LDLRAD4: variants seen among roughly 807,000 people sequenced by gnomAD.
LDLRAD4 encodes the protein low density lipoprotein receptor class A domain containing 4.
Under a neutral mutation model 17.0 loss-of-function variants are expected in LDLRAD4, and 5 were observed. That is an observed-to-expected ratio of 0.29 (90% CI 0.15 to 0.62). The LOEUF is 0.62. Among genes scored for constraint, LDLRAD4 ranks in the 20% least tolerant of loss-of-function variants. LDLRAD4 has a pLI of 0.84. For missense variants in LDLRAD4, 340 were observed against 424.7 expected, an observed-to-expected ratio of 0.80 and a Z score of 1.75; for synonymous variants, 168 against 171.8, an observed-to-expected ratio of 0.98 and a Z score of 0.17.
rs560134157 is a variant in LDLRAD4 at position 13,243,932 on chromosome 18, TATCC to T, written c.-467+24950_-467+24953del. On this transcript the variant is annotated intron_variant, in intron 1 of 5. Transcript: ENST00000399848. ...CCATGCACCTATGCACCCATTTCTC[TATCC>T]ATCCACCCACCCACCCATCCATCCA... 2.4e-3 allele frequency among the ~76,000 whole-genome samples: 267 copies of T among 112,448 alleles called. 1 individual carries two copies. The highest frequency in any genetic ancestry group is 4.0e-3 in the Non-Finnish European group (222 of 55,862). The allele number at this position is 112,448 out of a possible 152,430, so 73.8% of individuals were successfully genotyped here. A position where few individuals can be genotyped will look rare whatever the true frequency, so the allele number is the denominator to read the frequency against.
rs1286597631 is a variant in LDLRAD4, at chr18:13,622,270, G to T, written c.336+999G>T. On this transcript the variant is annotated intron_variant, in intron 4 of 5. Coordinates refer to ENST00000359446, the Ensembl canonical transcript of LDLRAD4. The surrounding 1 kb of genome is among the most constrained non-coding windows in gnomAD (Gnocchi z 5.3). ...GGAGTGCAGGCTCACACTTCACTAG[G>T]ATCATTGGTGCAGCCATCCATATGG... Among the ~76,000 whole-genome samples, 1 of 152,168 alleles carries T rather than the reference G, an allele frequency of 6.6e-6. No homozygotes were observed. Among genetic ancestry groups the T allele is most frequent in the Non-Finnish European group, 1.5e-5 (1 of 68,018 alleles).
chr18:13,277,504 C>A (rs941703651), upstream of LDLRAD4, among the ~76,000 whole-genome samples: 15 of 152,308 alleles, frequency 9.8e-5, no homozygotes, highest in Middle Eastern at 3.4e-3. Context: ...ATCTGAAGCA[C>A]CAGCTGGGAG....
At chr18:13,469,508 T>TA (rs1178503851) in intron 3 of LDLRAD4, among the ~76,000 whole-genome samples, 3 of 152,054 alleles carry the variant, frequency 2.0e-5, no homozygotes, top group South Asian at 4.1e-4. Flanking sequence ...GATGAAGAGA[T>TA]AAAAAATGTG....
intron 3 of LDLRAD4, among the ~76,000 whole-genome samples, chr18:13,533,947 G>A (rs538649148): frequency 6.6e-6 from 1 of 152,150 alleles, no homozygotes; most frequent in Admixed American, 6.5e-5. Context: ...TTTTAAGATT[G>A]CATTTTAACT....
chr18:13,293,353 C>T (rs1257027773), intron 1 of LDLRAD4, among the ~76,000 whole-genome samples: 1 of 152,198 alleles, frequency 6.6e-6, no homozygotes, highest in Non-Finnish European at 1.5e-5. Context: ...TGTGCTTTCT[C>T]TAAATCAGCA....
intron 2 of LDLRAD4, among the ~76,000 whole-genome samples, chr18:13,408,027 G>A (rs2087933235): frequency 1.3e-5 from 2 of 151,968 alleles, no homozygotes; most frequent in African/African-American, 2.4e-5. Flanking sequence ...CTTTCTTGTT[G>A]GCACACAAAA....
chr18:13,255,100 C>T (rs780804526), intron 1 of LDLRAD4, among the ~76,000 whole-genome samples: 3 of 152,194 alleles, frequency 2.0e-5, no homozygotes, highest in Non-Finnish European at 4.4e-5. Context: ...GGGCTCGAGA[C>T]TAAGGGGCAG....
intron 3 of LDLRAD4, among the ~76,000 whole-genome samples, chr18:13,449,796 C>T (rs909646383): frequency 2.0e-5 from 3 of 152,196 alleles, no homozygotes; most frequent in Non-Finnish European, 4.4e-5. Context: ...GGAAGGTCAG[C>T]TATGGTTCCA....
rs139798191 is a variant in LDLRAD4 at position 13,588,015 on chromosome 18, C to A, written c.182-33102C>A. ...ACCCTGCATCTGGAATCCAGAAAGC[C>A]TTTTTGTATGAGTCGCACCATTTTC... On this transcript the variant is annotated intron_variant, in intron 3 of 5. Coordinates refer to ENST00000359446, the Ensembl canonical transcript of LDLRAD4. 3.3e-5 allele frequency among the ~76,000 whole-genome samples: 5 copies of A among 152,146 alleles called. No individual in the cohort carries two copies. In the East Asian group the frequency reaches 9.6e-4, roughly 29 times the overall value.
intron 3 of LDLRAD4, among the ~76,000 whole-genome samples, chr18:13,619,258 A>G (rs2040366050): frequency 6.6e-6 from 1 of 152,120 alleles, no homozygotes; most frequent in Non-Finnish European, 1.5e-5. Context: ...TCAAGGCCAG[A>G]GTGTCCCAGA....
chr18:13,309,362 T>C (rs1003568845), intron 1 of LDLRAD4, among the ~76,000 whole-genome samples: 1 of 152,236 alleles, frequency 6.6e-6, no homozygotes, highest in African/African-American at 2.4e-5. Context: ...ACTTCGCCGG[T>C]GAAAAGCAAA....
At chr18:13,282,710 G>C (rs1311042447) in intron 1 of LDLRAD4, among the ~76,000 whole-genome samples, 3 of 152,178 alleles carry the variant, frequency 2.0e-5, no homozygotes, top group Non-Finnish European at 4.4e-5. Context: ...CAGGCACACG[G>C]TACAGGCTGT....
chr18:13,273,064 C>T (rs546015993), intron 1 of LDLRAD4, among the ~76,000 whole-genome samples: 142 of 152,258 alleles, frequency 9.3e-4, no homozygotes, highest in Middle Eastern at 6.8e-3. Context: ...TGAATGCACA[C>T]GTGCATTTTA....
At chr18:13,325,330 A>G (rs1217050926) in intron 1 of LDLRAD4, among the ~76,000 whole-genome samples, 1 of 152,196 alleles carries the variant, frequency 6.6e-6, no homozygotes, top group Non-Finnish European at 1.5e-5. Context: ...CAGAGCTTTG[A>G]TCCCTCAAGG....
upstream of LDLRAD4, among the ~76,000 whole-genome samples, chr18:13,276,512 C>A (rs921477763): frequency 6.6e-6 from 1 of 152,202 alleles, no homozygotes; most frequent in Admixed American, 6.5e-5. Flanking sequence ...TGGAAGAATC[C>A]ACCTCCAGGC....
chr18:13,644,777 G>A (rs375950577), intron 5 of LDLRAD4: 3 of 236,016 alleles, frequency 1.3e-5, no homozygotes, highest in South Asian at 8.2e-5. Flanking sequence ...AGTGCTCTTC[G>A]CCCTGTGACT....
At chr18:13,554,623 G>A (rs964346122) in intron 3 of LDLRAD4, among the ~76,000 whole-genome samples, 7 of 152,138 alleles carry the variant, frequency 4.6e-5, no homozygotes, top group Middle Eastern at 3.4e-3. Context: ...ACAATTTTTT[G>A]CTACAATAAC....
intron 3 of LDLRAD4, among the ~76,000 whole-genome samples, chr18:13,459,734 A>G (rs1287792093): frequency 1.3e-5 from 2 of 152,200 alleles, no homozygotes; most frequent in Non-Finnish European, 2.9e-5. Flanking sequence ...TAGCAGCAAT[A>G]GGGAAGAGAT....
intron 1 of LDLRAD4, among the ~76,000 whole-genome samples, chr18:13,375,448 G>A (rs1056470913): frequency 2.0e-5 from 3 of 152,168 alleles, no homozygotes; most frequent in Non-Finnish European, 4.4e-5. Context: ...TGTCTCCGAC[G>A]TGGGGAATCC....
Sources: allele counts gnomAD v4.1 joint callset (sites outside exome capture counted in the v4.1 genomes callset), GRCh38; gene constraint gnomAD v4.1.1; non-coding constraint Gnocchi (gnomAD v3.1); transcripts MANE v1.5; gene names NCBI Gene and HGNC (gene_info 2026-07-23, HGNC 2026-07-21).